The following COL22A1 variants were observed in gnomAD, a reference collection of about 807,000 sequenced individuals.
COL22A1 encodes collagen alpha-1(XXII) chain.
A neutral mutation model predicts 248.9 loss-of-function variants in COL22A1; 221 were observed. The observed-to-expected ratio is 0.89, with a 90% confidence interval of 0.80 to 0.99. COL22A1 has a LOEUF of 0.99. Ranked by LOEUF, COL22A1 falls within the 50% of genes least tolerant of loss-of-function variation. The probability of loss-of-function intolerance (pLI) is 0.00; values close to 1 mark genes in which losing one functional copy is unlikely to be tolerated. For missense variants in COL22A1, 2,240 were observed against 2,179.0 expected, an observed-to-expected ratio of 1.03 and a Z score of -0.56; for synonymous variants, 891 against 793.4, an observed-to-expected ratio of 1.12 and a Z score of -2.07.
At chr8:138,679,757 G>C in intron 39 of COL22A1, 81 bp from the exon 40 acceptor site, 1 of 1,093,662 alleles carries the variant, frequency 9.1e-7, no homozygotes, top group Non-Finnish European at 1.3e-6. Context: ...CCCTCTGTTA[G>C]GTACTGGATC....
At chr8:138,699,918 A>G (rs779676992) in intron 32 of COL22A1, among the ~76,000 whole-genome samples, 194 bp downstream of exon 32, 1 of 152,152 alleles carries the variant, frequency 6.6e-6, no homozygotes, top group Non-Finnish European at 1.5e-5. Flanking sequence ...GTCCTGCCTG[A>G]CCCTGGAGCC....
intron 3 of COL22A1, among the ~76,000 whole-genome samples, chr8:138,864,284 G>C (rs545652130): frequency 1.3e-5 from 2 of 152,180 alleles, no homozygotes; most frequent in African/African-American, 4.8e-5. Context: ...CCTGGGCCCA[G>C]GGGGCTTTAA....
chr8:138,654,494 G>T (rs1823043942), intron 45 of COL22A1, among the ~76,000 whole-genome samples: 1 of 152,100 alleles, frequency 6.6e-6, no homozygotes, highest in Non-Finnish European at 1.5e-5. Flanking sequence ...TTGGCTTCAT[G>T]TATGAAGTAG....
rs1205971879 is a variant in COL22A1, at chr8:138,694,727, G to A, written c.2646+99C>T. The A allele has an allele frequency of 2.8e-6, 4 of 1,442,064 alleles. No individual in the cohort carries two copies. In the Admixed American group the frequency reaches 7.1e-5, roughly 26 times the overall value. The allele number at this position is 1,442,064 out of a possible 1,614,324, so 89.3% of individuals were successfully genotyped here. The stretch of plus-strand genomic sequence containing the variant: ...TGCCTTCCATTCAGTGTGGCTCCTG[G>A]GTGTGGAATGCACGGTGCAGATCTA... On this transcript the variant is annotated intron_variant, in intron 33 of 64. Transcript: ENST00000303045.
chr8:138,666,797 C>T (rs927139944), intron 41 of COL22A1, among the ~76,000 whole-genome samples: 14 of 152,198 alleles, frequency 9.2e-5, no homozygotes. Flanking sequence ...CCATACGAGG[C>T]TCCAGGTTAT....
chr8:138,862,751 G>T lies in COL22A1; in HGVS notation c.658+14999C>A, dbSNP rs1822576981. Among the ~76,000 whole-genome samples the T allele has an allele frequency of 2.5e-5, 3 of 119,486 alleles. No homozygotes were observed. The Admixed American group carries it at 3.2e-4, about 13-fold the overall frequency. The allele number at this position is 119,486 out of a possible 152,430, so 78.4% of individuals were successfully genotyped here. A position where few individuals can be genotyped will look rare whatever the true frequency, so the allele number is the denominator to read the frequency against. ...CAATGAACAAAATGTTTGCAGCAAA[G>T]ATACAAGGTTTTTTTTTTTTTTTTT... On this transcript the variant is annotated intron_variant, in intron 3 of 64. Coordinates refer to ENST00000303045, the MANE Select transcript of COL22A1 (RefSeq NM_152888.3).
intron 7 of COL22A1, among the ~76,000 whole-genome samples, chr8:138,820,745 T>C (rs933540344): frequency 1.3e-5 from 2 of 152,204 alleles, no homozygotes; most frequent in African/African-American, 2.4e-5. Context: ...TATATATGTA[T>C]GTATGTGTGT....
chr8:138,828,772 G>T (rs993869552), intron 5 of COL22A1, among the ~76,000 whole-genome samples: 3 of 151,548 alleles, frequency 2.0e-5, no homozygotes, highest in African/African-American at 7.3e-5. Flanking sequence ...AAGGTATTTT[G>T]ATCCTCGTGC....
intron 4 of COL22A1, among the ~76,000 whole-genome samples, chr8:138,833,463 T>TCC (rs1207175765): frequency 1.3e-5 from 2 of 152,102 alleles, no homozygotes; most frequent in Non-Finnish European, 2.9e-5. Context: ...GGCCGCAGGG[T>TCC]CTTGGTGTTC....
chr8:138,856,698 A>T (rs1026285751), intron 3 of COL22A1, among the ~76,000 whole-genome samples: 7 of 152,004 alleles, frequency 4.6e-5, no homozygotes, highest in African/African-American at 1.7e-4. Context: ...AGAGAGAGGG[A>T]TAGAGAGAGA....
chr8:138,811,337 G>A (rs530125134), intron 9 of COL22A1, among the ~76,000 whole-genome samples: 20 of 128,994 alleles, frequency 1.6e-4, no homozygotes, highest in South Asian at 1.1e-3. Context: ...ATACACACAC[G>A]TACATACACA....
intron 6 of COL22A1, among the ~76,000 whole-genome samples, chr8:138,824,452 A>T (rs1819415475): frequency 6.6e-6 from 1 of 152,152 alleles, no homozygotes; most frequent in African/African-American, 2.4e-5. Flanking sequence ...ACTTGCCTGG[A>T]TCACTACTAT....
intron 45 of COL22A1, 82 bp downstream of exon 45, chr8:138,655,815 A>G: frequency 8.2e-7 from 1 of 1,222,918 alleles, no homozygotes; most frequent in Non-Finnish European, 1.2e-6. Context: ...GTTGTTCAAA[A>G]AAAACCCCAA....
At position 138,616,029 on chromosome 8, in the gene COL22A1, G is replaced by C. The variant is rs1205533571; in HGVS notation, c.3896C>G (p.Pro1299Arg). ...PRGESGAMGL[P>R]GQEGLPGKDG... is the part of the protein sequence containing the mutation. ...TTTTCCTGGTAACCCTTCCTGACCA[G>C]GAAGCCCCATGGCACCAGACTCTCC... The change falls in exon 55 of 65, where the codon CCT (proline) becomes CGT (arginine). Residue 1299 changes from proline (P) to arginine (R), a missense_variant. Pro to Arg is a moderately radical substitution (Grantham distance 103, BLOSUM62 -2). Transcript: ENST00000303045. The C allele has an allele frequency of 6.2e-7, 1 of 1,613,622 alleles. No individual in the cohort carries two copies. Among genetic ancestry groups the C allele is most frequent in the South Asian group, 1.1e-5 (1 of 91,054 alleles).
chr8:138,811,361 A>G (rs1233994335), intron 9 of COL22A1, among the ~76,000 whole-genome samples: 2 of 11,616 alleles, frequency 1.7e-4, no homozygotes, highest in African/African-American at 4.0e-4. Context: ...ATACACACAT[A>G]TATATATATA....
chr8:138,590,214 A>G (rs1479123875), intron 64 of COL22A1, among the ~76,000 whole-genome samples: 1 of 152,200 alleles, frequency 6.6e-6, no homozygotes, highest in Non-Finnish European at 1.5e-5. Flanking sequence ...ATGTCTTAGT[A>G]ATCGTCTTAT....
Position 138,780,925 on chromosome 8 carries a change from A to T in COL22A1, c.1650+2T>A. The T allele has an allele frequency of 6.2e-7, 1 of 1,613,134 alleles. No homozygotes were observed. The highest frequency in any genetic ancestry group is 8.5e-7 in the Non-Finnish European group (1 of 1,179,240). ...AGCCAGGGCAGACGGAACAGAACTT[A>T]CTCTCATGCCTTTGCTGCCGTCTCT... is the stretch of plus-strand genomic sequence containing the variant. On this transcript the variant is annotated splice_donor_variant, in intron 13 of 64. Transcript: ENST00000303045. LOFTEE classifies it high-confidence loss of function.
chr8:138,750,726 T>C (rs1012176607), intron 22 of COL22A1, among the ~76,000 whole-genome samples: 2 of 152,192 alleles, frequency 1.3e-5, no homozygotes, highest in African/African-American at 2.4e-5. Context: ...TTGTTAACCA[T>C]GTGAACTAGT....
intron 41 of COL22A1, among the ~76,000 whole-genome samples, chr8:138,666,470 G>T (rs914511226): frequency 1.3e-5 from 2 of 152,200 alleles, no homozygotes; most frequent in African/African-American, 4.8e-5. Flanking sequence ...CCATTAAATA[G>T]CTTGGCTAAG....
Sources: gnomAD v4.1 joint callset for allele counts (sites outside exome capture counted in the v4.1 genomes callset) on GRCh38, gnomAD v4.1.1 for gene constraint, MANE v1.5 for transcripts, NCBI Gene and HGNC (gene_info 2026-07-23, HGNC 2026-07-21) for gene names.